The following BBX variants were observed in gnomAD, a reference collection of about 807,000 sequenced individuals.
BBX encodes HMG box transcription factor BBX.
A neutral mutation model predicts 100.2 loss-of-function variants in BBX; 30 were observed. The ratio of observed to expected loss-of-function variants is 0.30; its 90% CI spans 0.22 to 0.41. BBX has a LOEUF of 0.41. Among genes scored for constraint, BBX ranks in the 10% least tolerant of loss-of-function variants. BBX has a pLI of 1.00. For synonymous variants in BBX, 376 were observed against 388.1 expected (o/e 0.97, Z 0.37); for missense variants, 1,023 against 1,129.8 (o/e 0.91, Z 1.35).
intron 3 of BBX, among the ~76,000 whole-genome samples, chr3:107,692,369 C>T (rs1368236195): frequency 2.0e-5 from 3 of 151,788 alleles, no homozygotes; most frequent in African/African-American, 2.4e-5. Flanking sequence ...CAACAGTCCC[C>T]GGTGTGTGAT....
chr3:107,778,720 G>A (rs548389751), intron 13 of BBX, among the ~76,000 whole-genome samples: 15 of 151,832 alleles, frequency 9.9e-5, no homozygotes, highest in Non-Finnish European at 1.9e-4. Flanking sequence ...TGGCATCTCA[G>A]TCTGTATATT....
At chr3:107,588,376 T>A (rs1016335268) in intron 2 of BBX, among the ~76,000 whole-genome samples, 1 of 151,774 alleles carries the variant, frequency 6.6e-6, no homozygotes, top group African/African-American at 2.4e-5. Context: ...AATGGAGTGA[T>A]GTGTGTAGGA....
At chr3:107,774,322 G>T (rs2067144408) in intron 11 of BBX, among the ~76,000 whole-genome samples, 1 of 152,086 alleles carries the variant, frequency 6.6e-6, no homozygotes, top group African/African-American at 2.4e-5. Context: ...GGTCTAACAA[G>T]CCCCAAATGA....
chr3:107,573,815 C>T (rs1000552530), intron 2 of BBX, among the ~76,000 whole-genome samples: 2 of 152,188 alleles, frequency 1.3e-5, no homozygotes, highest in African/African-American at 4.8e-5. Flanking sequence ...CAACCTCTGC[C>T]TGCTGGGTTC....
At chr3:107,547,912 T>G (rs9877739) in intron 2 of BBX, among the ~76,000 whole-genome samples, 17,909 of 152,180 alleles carry the variant, frequency 0.12, 1,405 homozygotes, top group Middle Eastern at 0.19. Flanking sequence ...TTTTCTACTT[T>G]CATCACATAT....
chr3:107,715,290 A>C (rs1052189745), intron 4 of BBX, among the ~76,000 whole-genome samples: 2 of 152,166 alleles, frequency 1.3e-5, no homozygotes, highest in Non-Finnish European at 2.9e-5. Context: ...CATACCTCAG[A>C]ATTGGAAACT....
Position 107,576,817 on chromosome 3 carries a change from C to T in BBX, c.-84+50419C>T, listed in dbSNP as rs147218804. Among the ~76,000 whole-genome samples the T allele has an allele frequency of 1.4e-4, 21 of 152,040 alleles. 1 individual carries two copies. In the East Asian group the frequency reaches 4.1e-3, roughly 29 times the overall value. On this transcript the variant is annotated intron_variant, in intron 2 of 17. Coordinates refer to ENST00000325805, the MANE Select transcript of BBX (RefSeq NM_001142568.3). The stretch of plus-strand genomic sequence containing the variant: ...CAAAACGCACTATTTTTCTTTCCTC[C>T]CGAAGCTCTTTATAAGCATTAAATT...
intron 9 of BBX, among the ~76,000 whole-genome samples, chr3:107,751,254 A>G (rs935371467): frequency 1.3e-5 from 2 of 152,204 alleles, no homozygotes; most frequent in Non-Finnish European, 2.9e-5. Flanking sequence ...TGGTCCTATT[A>G]TATACACTTA....
At chr3:107,642,856 G>A (rs1008209042) in intron 2 of BBX, among the ~76,000 whole-genome samples, 11 of 151,980 alleles carry the variant, frequency 7.2e-5, no homozygotes, top group African/African-American at 2.4e-4. Flanking sequence ...AGTCCAGAAT[G>A]ACTTTTATTG....
intron 13 of BBX, among the ~76,000 whole-genome samples, 185 bp downstream of exon 13, chr3:107,778,704 G>C (rs2067534018): frequency 6.6e-6 from 1 of 151,848 alleles, no homozygotes; most frequent in East Asian, 1.9e-4. Flanking sequence ...TGTAGCCTCT[G>C]TCCATTGGCA....
At chr3:107,606,483 G>A (rs141344060) in intron 2 of BBX, among the ~76,000 whole-genome samples, 26 of 152,222 alleles carry the variant, frequency 1.7e-4, no homozygotes, top group Non-Finnish European at 3.4e-4. Context: ...CCTGAGGCTG[G>A]CATCATATCA....
At chr3:107,797,335 CAAAT>C (rs144370318) in intron 15 of BBX, among the ~76,000 whole-genome samples, 12,833 of 40,166 alleles carry the variant, frequency 0.32, 1,275 homozygotes, top group Non-Finnish European at 0.36. Flanking sequence ...GCTTTTCTTC[CAAAT>C]ATATATATAT....
At chr3:107,654,294 C>G (rs1559923896) in intron 3 of BBX, among the ~76,000 whole-genome samples, 2 of 152,124 alleles carry the variant, frequency 1.3e-5, no homozygotes, top group African/African-American at 4.8e-5. Flanking sequence ...TGTTGCCTGT[C>G]TTTATTATTC....
chr3:107,534,820 T>C (rs2048384290), intron 2 of BBX, among the ~76,000 whole-genome samples: 1 of 152,184 alleles, frequency 6.6e-6, no homozygotes. Context: ...GGAAATAAAC[T>C]CCTTATCCAA....
At chr3:107,731,480 A>G (rs955338346) in intron 6 of BBX, among the ~76,000 whole-genome samples, 10 of 152,136 alleles carry the variant, frequency 6.6e-5, no homozygotes, top group Non-Finnish European at 2.9e-5. Context: ...TATTTCTTAA[A>G]CTTAGCATTT....
At chr3:107,543,978 T>G (rs998674057) in intron 2 of BBX, among the ~76,000 whole-genome samples, 2 of 152,260 alleles carry the variant, frequency 1.3e-5, no homozygotes, top group Non-Finnish European at 2.9e-5. Flanking sequence ...TCGGACTGAA[T>G]CCATTTACAT....
intron 3 of BBX, chr3:107,661,976 T>A: frequency 2.4e-6 from 2 of 843,826 alleles, no homozygotes; most frequent in Non-Finnish European, 2.9e-6. Flanking sequence ...AAGTGACTAC[T>A]GTTCACGCAG....
chr3:107,579,524 T>C (rs2052094023), intron 2 of BBX, among the ~76,000 whole-genome samples: 2 of 152,250 alleles, frequency 1.3e-5, no homozygotes, highest in African/African-American at 4.8e-5. Flanking sequence ...TGTCTCCTTA[T>C]TGTCCTGTCT....
chr3:107,791,740 C>T (rs903984013), intron 15 of BBX, among the ~76,000 whole-genome samples: 3 of 152,182 alleles, frequency 2.0e-5, no homozygotes, highest in Non-Finnish European at 4.4e-5. Context: ...CAGTGGCTCA[C>T]GCCTGTAATC....
Sources: allele counts gnomAD v4.1 joint callset (sites outside exome capture counted in the v4.1 genomes callset), GRCh38; gene constraint gnomAD v4.1.1; transcripts MANE v1.5; gene names NCBI Gene and HGNC (gene_info 2026-07-23, HGNC 2026-07-21).